Variants in CEP135 observed in about 807,000 individuals in gnomAD.
The protein encoded by CEP135 is centrosomal protein of 135 kDa.
In CEP135, 142 loss-of-function variants were observed where a neutral mutation model predicts 157.3. That is an observed-to-expected ratio of 0.90 (90% CI 0.79 to 1.04). The LOEUF is 1.04. CEP135 is among the 50% of genes least tolerant of loss of function. The pLI is 0.00. For synonymous variants in CEP135, 396 were observed against 439.8 expected (o/e 0.90, Z 1.25); for missense variants, 1,317 against 1,309.2 (o/e 1.01, Z -0.09).
rs1295234526 is a variant in CEP135 at position 56,008,350 on chromosome 4, G to A, written c.2304G>A (p.Lys768=). 5 of 1,610,100 alleles carry A rather than the reference G, an allele frequency of 3.1e-6. No homozygotes were observed. Among genetic ancestry groups the A allele is most frequent in the South Asian group, 2.2e-5 (2 of 89,980 alleles). ...AGGAAAAAGCTGTTGCTCAAATGAA[G>A]ATAATGATCTCAGAGTGTGAATCAT... ...ANKEKAVAQM[K]IMISECESSV... is the part of the protein sequence containing the mutation. Residue 768 remains lysine, a synonymous_variant, in exon 18 of 26, where the codon AAG becomes AAA. Coordinates refer to ENST00000257287, the MANE Select transcript of CEP135 (RefSeq NM_025009.5).
chr4:55,957,120 GA>G, intron 4 of CEP135, 102 bp from the exon 5 acceptor site: 1 of 1,192,466 alleles, frequency 8.4e-7, no homozygotes, highest in Non-Finnish European at 1.2e-6. Flanking sequence ...TATGTATTAT[GA>G]ACTGCAGACA....
chr4:56,019,321 A>T (rs746381448), intron 22 of CEP135, 32 bp from the exon 23 acceptor site: 1 of 1,535,776 alleles, frequency 6.5e-7, no homozygotes. Context: ...TTAAAATTGT[A>T]CTGAAGTAAT....
rs186418332 is a variant in CEP135 at position 55,954,970 on chromosome 4, A to T, written c.472+587A>T. Among the ~76,000 whole-genome samples the T allele has an allele frequency of 2.9e-3, 437 of 152,256 alleles. 3 individuals are homozygous for T. Among genetic ancestry groups the T allele is most frequent in the African/African-American group, 0.01 (426 of 41,542 alleles). On this transcript the variant is annotated intron_variant, in intron 4 of 25. Coordinates refer to ENST00000257287, the MANE Select transcript of CEP135 (RefSeq NM_025009.5). Reference sequence around the variant, plus strand: ...GTGGCGCAAGCCTATAGTTCCAGCTACTTGGGAGGCTGAGGTGGGAGGATT... The same window carrying T: ...GTGGCGCAAGCCTATAGTTCCAGCTTCTTGGGAGGCTGAGGTGGGAGGATT...
intron 9 of CEP135, among the ~76,000 whole-genome samples, chr4:55,969,978 A>T (rs1181582256): frequency 4.6e-5 from 7 of 151,188 alleles, no homozygotes; most frequent in Non-Finnish European, 5.9e-5. Flanking sequence ...TGCTCAAGTG[A>T]TCCTCCCACC....
At chr4:55,949,616 G>C (rs1384140544) in intron 1 of CEP135, among the ~76,000 whole-genome samples, 2 of 152,158 alleles carry the variant, frequency 1.3e-5, no homozygotes, top group African/African-American at 4.8e-5. Flanking sequence ...TAAGCCCTGT[G>C]CACACATACA....
intron 8 of CEP135, among the ~76,000 whole-genome samples, chr4:55,968,426 A>G (rs1187629819): frequency 6.6e-6 from 1 of 151,326 alleles, no homozygotes; most frequent in Non-Finnish European, 1.5e-5. Flanking sequence ...TGCATATGGA[A>G]TCTCCAAGGA....
chr4:56,007,880 G>A (rs138364528), intron 17 of CEP135, among the ~76,000 whole-genome samples: 2 of 152,192 alleles, frequency 1.3e-5, no homozygotes, highest in African/African-American at 2.4e-5. Flanking sequence ...GATAATGTTA[G>A]CATTGTATAT....
intron 12 of CEP135, among the ~76,000 whole-genome samples, chr4:55,980,503 CCTAT>C (rs1309957885): frequency 2.0e-5 from 3 of 152,072 alleles, no homozygotes; most frequent in Non-Finnish European, 2.9e-5. Context: ...CCTTTTCTAG[CCTAT>C]CTATGTGTCA....
intron 13 of CEP135, among the ~76,000 whole-genome samples, chr4:55,981,735 A>G (rs539147963): frequency 1.3e-5 from 2 of 152,306 alleles, no homozygotes; most frequent in South Asian, 4.1e-4. Flanking sequence ...AGCTTTACAG[A>G]GATATTCACA....
rs114456802 is a variant in CEP135, at chr4:56,008,612, A to G, written c.2336+230A>G. Among the ~76,000 whole-genome samples, 1,459 of 152,278 alleles carry G rather than the reference A, an allele frequency of 9.6e-3. 14 individuals are homozygous for G. Among genetic ancestry groups the G allele is most frequent in the Non-Finnish European group, 0.017 (1,138 of 68,028 alleles). ...TATGTCTTATTAACTATTCTCCTAT[A>G]TACCTATTTGTTCCTTATTTTTACT... is the stretch of plus-strand genomic sequence containing the variant. On this transcript the variant is annotated intron_variant, in intron 18 of 25. Coordinates refer to ENST00000257287, the MANE Select transcript of CEP135 (RefSeq NM_025009.5).
chr4:56,007,101 C>T (rs934826996), intron 17 of CEP135, among the ~76,000 whole-genome samples: 9 of 152,050 alleles, frequency 5.9e-5, no homozygotes, highest in Non-Finnish European at 8.8e-5. Context: ...ACCATGTTGG[C>T]CAGGCTGGTC....
At chr4:55,999,088 T>G (rs1577897306) in intron 15 of CEP135, among the ~76,000 whole-genome samples, 2 of 152,194 alleles carry the variant, frequency 1.3e-5, no homozygotes, top group Admixed American at 1.3e-4. Context: ...TATACTATAT[T>G]ATTTTTAGGA....
At chr4:56,006,661 T>A (rs1412617138) in intron 17 of CEP135, among the ~76,000 whole-genome samples, 2 of 152,188 alleles carry the variant, frequency 1.3e-5, no homozygotes, top group African/African-American at 2.4e-5. Flanking sequence ...TTTCTGAATT[T>A]TCTGTGTTAT....
chr4:55,954,832 C>T (rs1014544159), intron 4 of CEP135, among the ~76,000 whole-genome samples: 3 of 152,130 alleles, frequency 2.0e-5, no homozygotes, highest in Admixed American at 6.6e-5. Context: ...CACCTGTAAT[C>T]CCACCACTTT....
In CEP135 at chr4:55,962,451, A is replaced by G. The variant is rs991445125; in HGVS notation, c.700-1823A>G. Among the ~76,000 whole-genome samples the G allele has an allele frequency of 4.2e-4, 64 of 152,022 alleles. 2 individuals are homozygous for G. The highest frequency in any genetic ancestry group is 7.4e-5 in the Non-Finnish European group (5 of 68,000). The stretch of plus-strand genomic sequence containing the variant: ...TCTTGAGGATTCCTTCTCCCTCTCT[A>G]TGCAGACTTCTCCAAAGACTGTCTT... On this transcript the variant is annotated intron_variant, in intron 6 of 25. Transcript: ENST00000257287.
chr4:55,956,198 C>A (rs1728498704), intron 4 of CEP135, among the ~76,000 whole-genome samples: 1 of 151,022 alleles, frequency 6.6e-6, no homozygotes, highest in African/African-American at 2.4e-5. Flanking sequence ...CTTTTGTATA[C>A]TCCTACCTCT....
At chr4:56,011,363 A>T in intron 19 of CEP135, 49 bp from the exon 20 acceptor site, 1 of 1,201,264 alleles carries the variant, frequency 8.3e-7, no homozygotes, top group South Asian at 1.3e-5. Context: ...AATAAAATTT[A>T]TTTGGTGTTG....
intron 23 of CEP135, 37 bp from the exon 24 acceptor site, chr4:56,020,639 G>A (rs984345906): frequency 2.5e-6 from 4 of 1,569,354 alleles, no homozygotes; most frequent in Non-Finnish European, 3.5e-6. Flanking sequence ...CTACAAAACG[G>A]AACGTTTATT....
At chr4:55,996,887 C>T (rs1368371633) in intron 15 of CEP135, among the ~76,000 whole-genome samples, 1 of 152,022 alleles carries the variant, frequency 6.6e-6, no homozygotes, top group Non-Finnish European at 1.5e-5. Context: ...ACCTTTGTCC[C>T]CTAAATGAGA....
Sources: gnomAD v4.1 joint callset for allele counts (sites outside exome capture counted in the v4.1 genomes callset) on GRCh38, gnomAD v4.1.1 for gene constraint, MANE v1.5 for transcripts, NCBI Gene and HGNC (gene_info 2026-07-23, HGNC 2026-07-21) for gene names.